Variants in TMEM38B observed in about 807,000 individuals in gnomAD.
The protein encoded by TMEM38B is transmembrane protein 38B.
Under a neutral mutation model 28.7 loss-of-function variants are expected in TMEM38B, and 24 were observed. That is an observed-to-expected ratio of 0.84 (90% CI 0.61 to 1.18). The LOEUF is 1.18. Among genes scored for constraint, TMEM38B ranks in the 50% most tolerant of loss-of-function variants. The pLI, the probability that TMEM38B is intolerant of heterozygous loss-of-function variation, is 0.00. For synonymous variants in TMEM38B, 131 were observed against 127.7 expected, an observed-to-expected ratio of 1.03 and a Z score of -0.17; for missense variants, 380 against 350.9, an observed-to-expected ratio of 1.08 and a Z score of -0.66.
chr9:105,751,742 C>G (rs1837661078), intron 5 of TMEM38B, among the ~76,000 whole-genome samples: 1 of 152,186 alleles, frequency 6.6e-6, no homozygotes, highest in Admixed American at 6.5e-5. Context: ...GTAGACTCAG[C>G]CGTTCCAGCC....
At chr9:105,756,485 T>C (rs1452211735) in intron 5 of TMEM38B, among the ~76,000 whole-genome samples, 1 of 152,202 alleles carries the variant, frequency 6.6e-6, no homozygotes, top group African/African-American at 2.4e-5. Flanking sequence ...GGGAGCTGTA[T>C]TATTTTTGAG....
At chr9:105,759,988 G>T in intron 5 of TMEM38B, 1 of 1,514,868 alleles carries the variant, frequency 6.6e-7, no homozygotes, top group African/African-American at 1.4e-5. Flanking sequence ...AGAGTCTAGT[G>T]CTGCAATCAA....
At position 105,774,177 on chromosome 9, in the gene TMEM38B, T is replaced by C. The variant is rs1826655844; in HGVS notation, c.*97T>C. ...TATGTATGTGATGTGAAATGAAGAC[T>C]ATATATATGGAATGGAGGTGACAGA... On this transcript the variant is annotated 3_prime_UTR_variant, in exon 6 of 6. Coordinates refer to ENST00000374692, the MANE Select transcript of TMEM38B (RefSeq NM_018112.3). 1 of 969,542 alleles carries C rather than the reference T, an allele frequency of 1.0e-6. No individual in the cohort carries two copies. The highest frequency in any genetic ancestry group is 2.6e-5 in the East Asian group (1 of 38,422). 60.1% of individuals were successfully genotyped at this position (969,542 alleles called of 1,614,324 possible).
At chr9:105,732,893 C>G (rs954077013) in intron 4 of TMEM38B, among the ~76,000 whole-genome samples, 10 of 152,120 alleles carry the variant, frequency 6.6e-5, no homozygotes, top group African/African-American at 2.4e-4. Flanking sequence ...TATAAATTAC[C>G]TTGGACAGTA....
intron 4 of TMEM38B, among the ~76,000 whole-genome samples, chr9:105,728,466 C>T (rs1008233010): frequency 1.3e-5 from 2 of 152,082 alleles, no homozygotes; most frequent in African/African-American, 2.4e-5. Flanking sequence ...TGTATATGTG[C>T]CACATTTTAT....
chr9:105,708,849 T>G lies in TMEM38B; in HGVS notation c.269+3096T>G, dbSNP rs542921740. ...AATTATTGCTATCCAACATGTTATC[T>G]GTTGATTTTTTTTTTTATGTTGCTC... On this transcript the variant is annotated intron_variant, in intron 2 of 5. Transcript: ENST00000374692. Among the ~76,000 whole-genome samples the G allele has an allele frequency of 5.5e-5, 7 of 128,332 alleles. No homozygotes were observed. The South Asian group carries it at 1.7e-3, about 31-fold the overall frequency. The allele number at this position is 128,332 out of a possible 152,430, so 84.2% of individuals were successfully genotyped here.
At chr9:105,742,313 A>T (rs1262645341) in intron 4 of TMEM38B, among the ~76,000 whole-genome samples, 3 of 152,210 alleles carry the variant, frequency 2.0e-5, no homozygotes, top group African/African-American at 7.2e-5. Context: ...ACCAATGTAG[A>T]GGTTGAAGCT....
At chr9:105,736,919 G>T (rs1055533104) in intron 4 of TMEM38B, among the ~76,000 whole-genome samples, 2 of 152,166 alleles carry the variant, frequency 1.3e-5, no homozygotes, top group African/African-American at 2.4e-5. Context: ...AGAGCTTGTG[G>T]CAGCAGTACT....
At chr9:105,758,768 TA>T (rs941063018) in intron 5 of TMEM38B, 2 of 780,970 alleles carry the variant, frequency 2.6e-6, no homozygotes, top group Admixed American at 2.1e-5. Context: ...ATAGAACTCC[TA>T]AAAAGCATGG....
chr9:105,773,466 A>G (rs745934255), intron 5 of TMEM38B, among the ~76,000 whole-genome samples: 8 of 152,186 alleles, frequency 5.3e-5, no homozygotes, highest in South Asian at 2.1e-4. Flanking sequence ...TTGGTTCCAC[A>G]TCTCAATGAT....
rs547347460 is a variant in TMEM38B, at chr9:105,727,296, C to T, written c.542+4675C>T. Among the ~76,000 whole-genome samples, 6 of 152,052 alleles carry T rather than the reference C, an allele frequency of 3.9e-5. 1 individual carries two copies. The South Asian group carries it at 8.3e-4, about 21-fold the overall frequency. On this transcript the variant is annotated intron_variant, in intron 4 of 5. Transcript: ENST00000374692. ...ATTTGACTTTTTTTCCCCGAGATCC[C>T]ATGTGAGATCATGCAGTAATTTTCT...
intron 5 of TMEM38B, 38 bp from the exon 6 acceptor site, chr9:105,773,827 T>C (rs1272651093): frequency 1.3e-6 from 2 of 1,572,688 alleles, no homozygotes; most frequent in South Asian, 2.3e-5. Context: ...ACAGAAATCA[T>C]TTGTATTTAA....
chr9:105,730,342 G>GT (rs1425256797), intron 4 of TMEM38B, among the ~76,000 whole-genome samples: 4 of 152,118 alleles, frequency 2.6e-5, no homozygotes, highest in South Asian at 2.1e-4. Context: ...TAATCATGTG[G>GT]TTTTTTCGTT....
At chr9:105,759,012 A>G in intron 5 of TMEM38B, 1 of 948,506 alleles carries the variant, frequency 1.1e-6, no homozygotes, top group Non-Finnish European at 1.7e-6. Context: ...CAATACAAGT[A>G]AACATGGAGT....
chr9:105,711,799 G>A (rs1470936565), intron 2 of TMEM38B, among the ~76,000 whole-genome samples: 2 of 149,762 alleles, frequency 1.3e-5, no homozygotes, highest in Non-Finnish European at 3.0e-5. Flanking sequence ...CAGCCTGCAC[G>A]TAGGAGTGAG....
chr9:105,748,228 G>T (rs560419280), intron 5 of TMEM38B, 38 bp downstream of exon 5: 3 of 1,424,694 alleles, frequency 2.1e-6, no homozygotes, highest in Non-Finnish European at 3.0e-6. Context: ...TACAAATCCT[G>T]TATAACTATT....
intron 4 of TMEM38B, among the ~76,000 whole-genome samples, chr9:105,728,635 C>G (rs1836615754): frequency 6.6e-6 from 1 of 152,110 alleles, no homozygotes; most frequent in Non-Finnish European, 1.5e-5. Flanking sequence ...AATGGTATTT[C>G]TAGTTCTAGA....
intron 2 of TMEM38B, among the ~76,000 whole-genome samples, chr9:105,709,668 C>G (rs559397965): frequency 7.2e-5 from 11 of 152,260 alleles, no homozygotes; most frequent in African/African-American, 2.4e-4. Flanking sequence ...GCCCTCTTAG[C>G]TGGATGTCGA....
In TMEM38B at chr9:105,748,069, T is replaced by G. The variant is rs745395082; in HGVS notation, c.543-4T>G. The G allele has an allele frequency of 1.2e-6, 2 of 1,601,972 alleles. No individual in the cohort carries two copies. Among genetic ancestry groups the G allele is most frequent in the Non-Finnish European group, 8.5e-7 (1 of 1,170,606 alleles). On this transcript the variant is annotated splice_polypyrimidine_tract_variant and splice_region_variant and intron_variant, in intron 4 of 5. Transcript: ENST00000374692. ...TGCTGATTTAAAATGTGTTTTATTT[T>G]CAGCCCTGCCAAGGTAACCCTGCTG...
Sources: allele counts gnomAD v4.1 joint callset (sites outside exome capture counted in the v4.1 genomes callset), GRCh38; gene constraint gnomAD v4.1.1; transcripts MANE v1.5; gene names NCBI Gene and HGNC (gene_info 2026-07-23, HGNC 2026-07-21).